CA5B: variants seen among roughly 807,000 people sequenced by gnomAD.
The protein encoded by CA5B is carbonic anhydrase 5B.
A neutral mutation model predicts 23.1 loss-of-function variants in CA5B; 15 were observed. The ratio of observed to expected loss-of-function variants is 0.65; its 90% confidence interval spans 0.43 to 1.00. The LOEUF (loss-of-function observed/expected upper bound fraction) is 1.00. CA5B is among the 50% of genes least tolerant of loss of function. The probability of loss-of-function intolerance (pLI) is 0.00; values close to 1 mark genes in which losing one functional copy is unlikely to be tolerated. For synonymous variants in CA5B, 84 were observed against 98.5 expected (o/e 0.85, Z 0.87); for missense variants, 236 against 252.2 (o/e 0.94, Z 0.43).
intron 3 of CA5B, among the ~76,000 whole-genome samples, chrX:15,766,084 G>C (rs868424270): frequency 3.8e-5 from 4 of 105,145 alleles, no homozygotes; most frequent in Middle Eastern, 4.8e-3. Flanking sequence ...TTGAACCTGG[G>C]AGGCAGAGGT....
intron 3 of CA5B, 24 bp downstream of exon 3, chrX:15,764,799 T>C (rs1361552187): frequency 3.1e-6 from 3 of 978,999 alleles, no homozygotes; most frequent in Admixed American, 2.9e-5. Context: ...CTGGTGGTCT[T>C]GTAAGGAGTT....
At chrX:15,774,882 G>A (rs1931892274) in intron 5 of CA5B, among the ~76,000 whole-genome samples, 1 of 112,243 alleles carries the variant, frequency 8.9e-6, no homozygotes, top group African/African-American at 3.2e-5. Flanking sequence ...ATATAAAAAT[G>A]CACAGCCCAA....
intron 3 of CA5B, among the ~76,000 whole-genome samples, chrX:15,770,286 C>A (rs936039857): frequency 1.8e-5 from 2 of 110,117 alleles, no homozygotes; most frequent in Non-Finnish European, 3.8e-5. Flanking sequence ...TGCATTCCAG[C>A]CTGGGCAACA....
intron 2 of CA5B, among the ~76,000 whole-genome samples, chrX:15,752,637 A>G (rs1207110665): frequency 9.0e-6 from 1 of 110,520 alleles, no homozygotes; most frequent in Admixed American, 9.6e-5. Flanking sequence ...AGGCATGAGA[A>G]TGGCGTGAAC....
chrX:15,747,858 G>A (rs1361283971), intron 1 of CA5B, among the ~76,000 whole-genome samples: 2 of 110,198 alleles, frequency 1.8e-5, no homozygotes, highest in Non-Finnish European at 3.8e-5. Flanking sequence ...GGACACACAC[G>A]TGGAGTTCAG....
chrX:15,765,083 A>G (rs1243268094), intron 3 of CA5B, among the ~76,000 whole-genome samples: 1 of 112,341 alleles, frequency 8.9e-6, no homozygotes, highest in Non-Finnish European at 1.9e-5. Context: ...TTGTATGTGT[A>G]TATTGAATAT....
chrX:15,748,448 G>T (rs1369086699), intron 1 of CA5B, among the ~76,000 whole-genome samples: 1 of 111,269 alleles, frequency 9.0e-6, no homozygotes, highest in African/African-American at 3.3e-5. Context: ...TTAGCTCAAG[G>T]CACCATCAAG....
At chrX:15,769,687 AAC>A (rs750947819) in intron 3 of CA5B, 1,593 of 444,086 alleles carry the variant, frequency 3.6e-3, no homozygotes, top group Middle Eastern at 5.7e-3. Context: ...CACAGTTTAA[AAC>A]ACACACACAC....
intron 6 of CA5B, chrX:15,775,625 T>G: frequency 5.0e-6 from 4 of 803,234 alleles, no homozygotes; most frequent in Non-Finnish European, 6.0e-6. Context: ...GTTCTGTAGC[T>G]GCCATCCCAC....
rs1356414951 is a variant in CA5B at position 15,750,171 on chromosome X, TA to T, written c.142+7del. 6.6e-5 allele frequency: 78 copies of T among 1,182,128 alleles called. No individual in the cohort carries two copies. Among genetic ancestry groups the T allele is most frequent in the Non-Finnish European group, 8.3e-5 (72 of 872,234 alleles). On this transcript the variant is annotated splice_region_variant and intron_variant, in intron 2 of 7. Transcript: ENST00000318636. Reference sequence around the variant, plus strand: ...CAAAACCCGGAACCGAGCCTGTGAGTACACCACTTCCTTAAAGAGAACAAAA... The same window carrying T: ...CAAAACCCGGAACCGAGCCTGTGAGTCACCACTTCCTTAAAGAGAACAAAA...
At chrX:15,780,104 A>G (rs5980186) in intron 7 of CA5B, among the ~76,000 whole-genome samples, 36,939 of 110,271 alleles carry the variant, frequency 0.33, 6,070 homozygotes, top group Non-Finnish European at 0.5. Context: ...CTAGTTGCCT[A>G]TAATTTTACC....
chrX:15,764,920 T>C, intron 3 of CA5B, 145 bp downstream of exon 3: 1 of 988,037 alleles, frequency 1.0e-6, no homozygotes, highest in East Asian at 3.4e-5. Flanking sequence ...TTTGAATGTG[T>C]GAAAAAAAAT....
chrX:15,765,899 G>A (rs1028867985), intron 3 of CA5B, among the ~76,000 whole-genome samples: 1 of 110,612 alleles, frequency 9.0e-6, no homozygotes, highest in Non-Finnish European at 1.9e-5. Flanking sequence ...GCTTATGCCT[G>A]TAATCTCAGC....
At chrX:15,764,489 C>A (rs541579689) in intron 2 of CA5B, 89 bp from the exon 3 acceptor site, 1 of 1,170,485 alleles carries the variant, frequency 8.5e-7, no homozygotes, top group South Asian at 2.0e-5. Context: ...ATCCACCCGC[C>A]TTGGCCTCCC....
chrX:15,778,708 A>G (rs1424018030), intron 7 of CA5B, among the ~76,000 whole-genome samples: 1 of 111,695 alleles, frequency 9.0e-6, no homozygotes, highest in Non-Finnish European at 1.9e-5. Flanking sequence ...AAATCATGGC[A>G]GAAGGCAAAA....
intron 2 of CA5B, among the ~76,000 whole-genome samples, chrX:15,751,330 C>T (rs1321912163): frequency 1.8e-5 from 2 of 111,813 alleles, no homozygotes; most frequent in African/African-American, 3.3e-5. Context: ...CTTGAAACTG[C>T]TCTACAAATA....
intron 2 of CA5B, among the ~76,000 whole-genome samples, chrX:15,757,049 C>T (rs1294853392): frequency 1.9e-4 from 16 of 84,435 alleles, no homozygotes; most frequent in East Asian, 3.3e-4. Flanking sequence ...AGTGAGACTC[C>T]GTCTCAAAAA....
At position 15,787,751 on chromosome X, in the gene CA5B, A is replaced by C. The variant is rs1932142554; in HGVS notation, c.*5087A>C. The C allele has an allele frequency of 8.9e-6, 1 of 112,041 alleles. No homozygotes were observed. Among genetic ancestry groups the C allele is most frequent in the Non-Finnish European group, 1.9e-5 (1 of 53,240 alleles). The allele number at this position is 112,041 out of a possible 1,213,427, so 9.2% of individuals were successfully genotyped here. A position where few individuals can be genotyped will look rare whatever the true frequency, so the allele number is the denominator to read the frequency against. On this transcript the variant is annotated 3_prime_UTR_variant, in exon 8 of 8. Transcript: ENST00000318636. ...CAGATTACCGGAGGTCAAGAGTTCG[A>C]GAACAGCCTGGCCAATATGGTGAAA...
intron 7 of CA5B, among the ~76,000 whole-genome samples, chrX:15,777,649 T>C (rs1460139136): frequency 8.9e-6 from 1 of 112,321 alleles, no homozygotes; most frequent in Non-Finnish European, 1.9e-5. Flanking sequence ...ACTCCAGTAA[T>C]ACAAGTATGG....
Sources: gnomAD v4.1 joint callset for allele counts (sites outside exome capture counted in the v4.1 genomes callset) on GRCh38, gnomAD v4.1.1 for gene constraint, MANE v1.5 for transcripts, NCBI Gene and HGNC (gene_info 2026-07-23, HGNC 2026-07-21) for gene names.